Variants in LARGE1 observed in about 807,000 individuals in gnomAD.
LARGE1 encodes the protein xylosyl- and glucuronyltransferase LARGE1.
A neutral mutation model predicts 87.6 loss-of-function variants in LARGE1; 43 were observed. The observed-to-expected ratio is 0.49, with a 90% CI of 0.38 to 0.63. LARGE1 has a LOEUF of 0.63. LARGE1 is among the 30% of genes least tolerant of loss of function. LARGE1 has a pLI of 0.00. For missense variants in LARGE1, 802 were observed against 1,000.2 expected (o/e 0.80, Z 2.67); for synonymous variants, 434 against 394.6 (o/e 1.10, Z -1.18).
intron 11 of LARGE1, among the ~76,000 whole-genome samples, chr22:33,240,461 G>T (rs1013808919): frequency 6.6e-6 from 1 of 152,032 alleles, no homozygotes; most frequent in Non-Finnish European, 1.5e-5. Context: ...GAATTGACTT[G>T]GTGCCTTGGC....
chr22:33,544,688 AACAACC>A (rs969611345), intron 6 of LARGE1, among the ~76,000 whole-genome samples: 47 of 136,368 alleles, frequency 3.4e-4, no homozygotes, highest in Middle Eastern at 3.6e-3. Flanking sequence ...GTCTCAAAAC[AACAACC>A]ACAACAACAA....
rs149896554 is a variant in LARGE1 at position 33,713,536 on chromosome 22, A to G, written c.106+47835T>C. On this transcript the variant is annotated intron_variant, in intron 2 of 14. Transcript: ENST00000397394. ...GCTGGACACAGCAAACCAGGTTGGC[A>G]CTCTTAATTACCTAATTGGTGGTTC... is the stretch of plus-strand genomic sequence containing the variant. Among the ~76,000 whole-genome samples the G allele has an allele frequency of 6.8e-3, 1,036 of 151,574 alleles. 36 individuals carry two copies. The highest frequency in any genetic ancestry group is 0.06 in the Admixed American group (907 of 15,230).
chr22:33,690,075 A>C (rs5994788), intron 2 of LARGE1, among the ~76,000 whole-genome samples: 11,307 of 152,236 alleles, frequency 0.074, 540 homozygotes, highest in Middle Eastern at 0.11. Context: ...GCTGCTTCCA[A>C]GGGGAAGCTC....
chr22:33,221,829 A>G (rs5998820), intron 11 of LARGE1: 17,218 of 152,290 alleles, frequency 0.11, 1,650 homozygotes, highest in African/African-American at 0.26. Context: ...AACCAGCCCC[A>G]CCAATCATCT....
intron 1 of LARGE1, among the ~76,000 whole-genome samples, chr22:33,843,470 A>AATAAATAAATAAATAAATAG (rs1555883350): frequency 6.8e-6 from 1 of 146,964 alleles, no homozygotes; most frequent in Non-Finnish European, 1.5e-5. Context: ...TAAATAAATA[A>AATAAATAAATAAATAAATAG]AAATAAAAAA....
chr22:33,106,497 T>A, the LARGE1 span, among the ~76,000 whole-genome samples: 1 of 152,052 alleles, frequency 6.6e-6, no homozygotes, highest in South Asian at 2.1e-4. Flanking sequence ...CCATTCCTTT[T>A]TTTTTTTTCT....
intron 11 of LARGE1, among the ~76,000 whole-genome samples, chr22:33,266,799 G>C (rs1315053255): frequency 6.6e-6 from 1 of 151,038 alleles, no homozygotes; most frequent in Admixed American, 6.6e-5. Context: ...CATGCTCCCT[G>C]TCCTTATACC....
chr22:33,158,921 T>C (rs1193322728), downstream of LARGE1, among the ~76,000 whole-genome samples: 1 of 152,232 alleles, frequency 6.6e-6, no homozygotes, highest in African/African-American at 2.4e-5. Context: ...CCAGGGAAAC[T>C]GTGACATTCA....
chr22:33,463,505 T>A (rs1042681303), intron 6 of LARGE1, among the ~76,000 whole-genome samples: 26 of 152,188 alleles, frequency 1.7e-4, no homozygotes, highest in Non-Finnish European at 3.1e-4. Context: ...GAAGATTCAT[T>A]ATCACACATA....
intron 7 of LARGE1, among the ~76,000 whole-genome samples, chr22:33,427,998 T>C (rs568019055): frequency 6.3e-4 from 96 of 152,348 alleles, no homozygotes; most frequent in South Asian, 1.0e-3. Context: ...CCTAATGTGA[T>C]ATAAAAAGCT....
chr22:33,305,844 C>CTTTTTTTTT (rs111657762), intron 11 of LARGE1, among the ~76,000 whole-genome samples: 29 of 136,870 alleles, frequency 2.1e-4, no homozygotes, highest in African/African-American at 6.9e-4. Context: ...TTTTCTTTTT[C>CTTTTTTTTT]TTTTTTTTTT....
the LARGE1 span, among the ~76,000 whole-genome samples, chr22:33,081,070 C>T: frequency 2.6e-5 from 4 of 152,080 alleles, no homozygotes; most frequent in African/African-American, 9.7e-5. Context: ...TCCCTATTCC[C>T]CAGTGTGAGG....
At chr22:33,305,736 C>T (rs900130359) in intron 11 of LARGE1, 1 of 222,794 alleles carries the variant, frequency 4.5e-6, no homozygotes, top group Non-Finnish European at 7.5e-6. Context: ...TTTGCTTCCT[C>T]GTTCAATAGG....
intron 1 of LARGE1, among the ~76,000 whole-genome samples, chr22:33,916,071 A>G (rs1346518672): frequency 1.3e-5 from 2 of 152,152 alleles, no homozygotes; most frequent in African/African-American, 2.4e-5. Flanking sequence ...TCACAAGGTC[A>G]GGAGTTCTAG....
At chr22:33,829,030 A>ATTTT (rs2062887685) in intron 1 of LARGE1, among the ~76,000 whole-genome samples, 1 of 52,706 alleles carries the variant, frequency 1.9e-5, no homozygotes, top group African/African-American at 6.7e-5. Context: ...TTTTTTTTTG[A>ATTTT]GAGAGTCTTG....
chr22:33,727,836 T>C (rs919255605), intron 2 of LARGE1, among the ~76,000 whole-genome samples: 1 of 152,102 alleles, frequency 6.6e-6, no homozygotes, highest in African/African-American at 2.4e-5. Context: ...AGGCAGGGAC[T>C]TCCTGAGGCT....
At chr22:33,165,505 AT>A (rs766321205) in exon 12 of LARGE1, 8 of 152,188 alleles carry the variant, frequency 5.3e-5, no homozygotes, top group African/African-American at 7.2e-5. Flanking sequence ...CTCATCTGTG[AT>A]TTTTAAATCT....
chr22:33,649,708 T>C (rs1041080368), intron 3 of LARGE1, among the ~76,000 whole-genome samples: 1 of 152,200 alleles, frequency 6.6e-6, no homozygotes, highest in Non-Finnish European at 1.5e-5. Context: ...CTAATTCATC[T>C]CCACCATGAG....
At chr22:33,558,959 G>A (rs2077775170) in intron 6 of LARGE1, among the ~76,000 whole-genome samples, 1 of 152,176 alleles carries the variant, frequency 6.6e-6, no homozygotes, top group African/African-American at 2.4e-5. Context: ...ACATTATCTT[G>A]TACAATTCTC....
Sources: allele counts gnomAD v4.1 joint callset (sites outside exome capture counted in the v4.1 genomes callset), GRCh38; gene constraint gnomAD v4.1.1; transcripts MANE v1.5; gene names NCBI Gene and HGNC (gene_info 2026-07-23, HGNC 2026-07-21).